The following ASPG variants were observed in gnomAD, a reference collection of about 807,000 sequenced individuals.
The protein encoded by ASPG is 60 kDa lysophospholipase.
In ASPG, 53 loss-of-function variants were observed where a neutral mutation model predicts 63.2. The ratio of observed to expected loss-of-function variants is 0.84; its 90% CI spans 0.67 to 1.05. The LOEUF is 1.05. ASPG is among the 50% of genes least tolerant of loss of function. The probability of loss-of-function intolerance (pLI) is 0.00; values close to 1 mark genes in which losing one functional copy is unlikely to be tolerated. For synonymous variants in ASPG, 370 were observed against 355.0 expected (o/e 1.04, Z -0.48); for missense variants, 741 against 794.4 (o/e 0.93, Z 0.81).
chr14:104,095,766 CA>C, intron 4 of ASPG, 110 bp downstream of exon 4: 1 of 1,439,364 alleles, frequency 6.9e-7, no homozygotes, highest in African/African-American at 1.4e-5. Context: ...CTCAGCCCAG[CA>C]GCTCCTGAGG....
intron 4 of ASPG, 80 bp downstream of exon 4, chr14:104,095,736 G>A (rs1406038467): frequency 6.4e-7 from 1 of 1,570,992 alleles, no homozygotes; most frequent in Non-Finnish European, 8.7e-7. Flanking sequence ...GGCGGCCGCT[G>A]CGGGACCCCG....
At chr14:104,095,400 C>G in intron 3 of ASPG, 131 bp from the exon 4 acceptor site, 1 of 1,309,686 alleles carries the variant, frequency 7.6e-7, no homozygotes, top group Non-Finnish European at 1.0e-6. Flanking sequence ...AGAGGGACTT[C>G]CAGGCCAGGG....
Position 104,095,786 on chromosome 14 carries a change from G to T in ASPG, c.429+130G>T, listed in dbSNP as rs2036571499. On this transcript the variant is annotated intron_variant, in intron 4 of 15. Transcript: ENST00000551177. ...CCCAGCAGCTCCTGAGGTGGCTGCT[G>T]CAGGGCCCGTGCTGGGGCTCGCAAA... 33 of 1,258,192 alleles carry T rather than the reference G, an allele frequency of 2.6e-5. No homozygotes were observed. The South Asian group carries it at 4.1e-4, about 16-fold the overall frequency. 77.9% of individuals were successfully genotyped at this position (1,258,192 alleles called of 1,614,324 possible). A position where few individuals can be genotyped will look rare whatever the true frequency, so the allele number is the denominator to read the frequency against.
At chr14:104,106,946 G>A in intron 11 of ASPG, 52 bp downstream of exon 11, 1 of 1,506,538 alleles carries the variant, frequency 6.6e-7, no homozygotes, top group Non-Finnish European at 9.0e-7. Flanking sequence ...TGGCCTGGGG[G>A]CTCTGAACCC....
rs57511498 is a variant in ASPG at position 104,089,854 on chromosome 14, A to C, written c.83-2779A>C. 2.9e-3 allele frequency among the ~76,000 whole-genome samples: 427 copies of C among 144,876 alleles called. 23 individuals are homozygous for C. The East Asian group carries it at 0.088, about 30-fold the overall frequency. On this transcript the variant is annotated intron_variant, in intron 1 of 15. Transcript: ENST00000551177. ...TCCCGGCTACTCGGGAGGCTAAGGC[A>C]GGAGAATTGCTTGAGCCGGGTGGGT...
intron 7 of ASPG, among the ~76,000 whole-genome samples, chr14:104,104,079 C>T (rs965850595): frequency 6.6e-6 from 1 of 152,254 alleles, no homozygotes. Flanking sequence ...ACAAAGCCTT[C>T]GTCCCTACAG....
At position 104,114,310 on chromosome 14, in the gene ASPG, C is replaced by G. The variant is rs2037436745; in HGVS notation, c.*1766C>G. The G allele has an allele frequency of 6.6e-6, 1 of 152,378 alleles. No individual in the cohort carries two copies. Among genetic ancestry groups the G allele is most frequent in the Non-Finnish European group, 1.5e-5 (1 of 68,140 alleles). 9.4% of individuals were successfully genotyped at this position (152,378 alleles called of 1,614,324 possible). A position where few individuals can be genotyped will look rare whatever the true frequency, so the allele number is the denominator to read the frequency against. On this transcript the variant is annotated 3_prime_UTR_variant, in exon 16 of 16. Coordinates refer to ENST00000551177, the MANE Select transcript of ASPG (RefSeq NM_001080464.3). ...CGCAGAGAGCATTTGTCAAGCTGGC[C>G]TTTCTCCAACTGGGTCACTGATGGA...
intron 4 of ASPG, among the ~76,000 whole-genome samples, chr14:104,096,414 C>T (rs767969233): frequency 5.3e-5 from 8 of 152,148 alleles, no homozygotes; most frequent in East Asian, 1.9e-4. Context: ...GGGAGCAGTC[C>T]GGGGAGGTGG....
chr14:104,095,401 C>T (rs933535978), intron 3 of ASPG, 130 bp from the exon 4 acceptor site: 48 of 1,317,580 alleles, frequency 3.6e-5, no homozygotes, highest in East Asian at 3.0e-4. Context: ...GAGGGACTTC[C>T]AGGCCAGGGT....
chr14:104,107,129 C>T, intron 11 of ASPG, 53 bp from the exon 12 acceptor site: 1 of 1,521,490 alleles, frequency 6.6e-7, no homozygotes. Context: ...CCATGGCCTA[C>T]CTGGCCCCGC....
chr14:104,097,720 A>C (rs2036659061), intron 5 of ASPG, 83 bp downstream of exon 5: 1 of 1,334,446 alleles, frequency 7.5e-7, no homozygotes, highest in Non-Finnish European at 1.0e-6. Context: ...AAGTCCCCCC[A>C]GCCCCTCCCC....
intron 10 of ASPG, 117 bp downstream of exon 10, chr14:104,105,567 T>C (rs1392584575): frequency 6.6e-6 from 9 of 1,360,246 alleles, no homozygotes; most frequent in Non-Finnish European, 8.8e-6. Context: ...CCCAAACAGT[T>C]AGGCACACCC....
intron 2 of ASPG, chr14:104,093,044 G>C (rs2036420747): frequency 4.1e-6 from 2 of 485,436 alleles, no homozygotes; most frequent in Admixed American, 3.4e-5. Context: ...TCAGGAGCCA[G>C]CTGGCCCAGG....
intron 3 of ASPG, among the ~76,000 whole-genome samples, chr14:104,094,678 C>T (rs986321068): frequency 2.6e-5 from 4 of 152,212 alleles, no homozygotes; most frequent in Non-Finnish European, 2.9e-5. Flanking sequence ...CATTTGTAGC[C>T]GGCAGCCCTC....
chr14:104,093,229 G>A (rs557834326), intron 2 of ASPG: 1 of 567,820 alleles, frequency 1.8e-6, no homozygotes, highest in Admixed American at 3.1e-5. Context: ...GCTGGTCCCA[G>A]CCCCCCTCTT....
chr14:104,097,696 G>A, intron 5 of ASPG, 59 bp downstream of exon 5: 2 of 1,503,710 alleles, frequency 1.3e-6, no homozygotes, highest in Non-Finnish European at 1.8e-6. Context: ...AGCCCAGACA[G>A]CAGCCAGGAA....
chr14:104,105,559 C>T, intron 10 of ASPG, 109 bp downstream of exon 10: 1 of 1,405,032 alleles, frequency 7.1e-7, no homozygotes. Flanking sequence ...CACTCGAGCC[C>T]AAACAGTTAG....
At chr14:104,094,565 A>T (rs1243187265) in intron 3 of ASPG, among the ~76,000 whole-genome samples, 1 of 150,650 alleles carries the variant, frequency 6.6e-6, no homozygotes, top group African/African-American at 2.5e-5. Context: ...CCCAATTCTC[A>T]CCTGCTTCCC....
chr14:104,100,133 G>T (rs1157505906), intron 6 of ASPG, among the ~76,000 whole-genome samples: 1 of 152,214 alleles, frequency 6.6e-6, no homozygotes, highest in African/African-American at 2.4e-5. Flanking sequence ...TGGAGAAAGG[G>T]TTGGGCTATG....
Sources: allele counts gnomAD v4.1 joint callset (sites outside exome capture counted in the v4.1 genomes callset), GRCh38; gene constraint gnomAD v4.1.1; transcripts MANE v1.5; gene names NCBI Gene and HGNC (gene_info 2026-07-23, HGNC 2026-07-21).